Variants in TEKT1 observed in about 807,000 individuals in gnomAD.
TEKT1 encodes tektin-1.
In TEKT1, 32 loss-of-function variants were observed where a neutral mutation model predicts 34.8. The observed-to-expected ratio is 0.92, with a 90% confidence interval of 0.69 to 1.23. The LOEUF (loss-of-function observed/expected upper bound fraction) is 1.23. Among genes scored for constraint, TEKT1 ranks in the 50% most tolerant of loss-of-function variants. The pLI is 0.00. For missense variants in TEKT1, 492 were observed against 518.5 expected (o/e 0.95, Z 0.50); for synonymous variants, 207 against 199.8 (o/e 1.04, Z -0.30).
In TEKT1 at chr17:6,811,306, A is replaced by ATGTGTGTG. The variant is rs34180300; in HGVS notation, c.852+1517_852+1524dup. On this transcript the variant is annotated intron_variant, in intron 6 of 7. Coordinates refer to ENST00000338694, the MANE Select transcript of TEKT1 (RefSeq NM_053285.2). The surrounding 1 kb of genome is among the most constrained non-coding windows in gnomAD (Gnocchi z 4.4). ...ATTATATGTTAATCATATATGCAAA[A>ATGTGTGTG]TGTGTGTGTGTGTGTGTGTGTGTGT... Among the ~76,000 whole-genome samples, 246 of 149,792 alleles carry ATGTGTGTG rather than the reference A, an allele frequency of 1.6e-3. 1 individual carries two copies. Among genetic ancestry groups the ATGTGTGTG allele is most frequent in the African/African-American group, 4.4e-3 (181 of 40,814 alleles).
chr17:6,827,949 C>CTTTT (rs1392072130), intron 2 of TEKT1, among the ~76,000 whole-genome samples: 5 of 148,622 alleles, frequency 3.4e-5, no homozygotes, highest in South Asian at 2.1e-4. Flanking sequence ...GATTTCTCTT[C>CTTTT]TTTTTTTTGT....
At chr17:6,829,341 G>A (rs76018634) in intron 2 of TEKT1, among the ~76,000 whole-genome samples, 7,578 of 152,152 alleles carry the variant, frequency 0.05, 241 homozygotes, top group Non-Finnish European at 0.071. Context: ...CAGAGGATTT[G>A]TTCCAGAGTC....
chr17:6,800,821 G>A lies in TEKT1; in HGVS notation c.975C>T (p.Asn325=), dbSNP rs766002981. Residue 325 remains asparagine, a synonymous_variant, in exon 7 of 8, where the codon AAC becomes AAT. Transcript: ENST00000338694. Reference sequence around the variant, plus strand: ...GTGCGACATCACGACACAGCTCCACGTTCGGCCGGTGTGTCCTGGTCTCCA... The same window carrying A: ...GTGCGACATCACGACACAGCTCCACATTCGGCCGGTGTGTCCTGGTCTCCA... The part of the protein sequence containing the change: ...TRLETRTHRP[N]VELCRDVAQY... 3.4e-5 allele frequency: 55 copies of A among 1,614,028 alleles called. No individual in the cohort carries two copies. The highest frequency in any genetic ancestry group is 3.3e-4 in the Admixed American group (20 of 59,986).
intron 2 of TEKT1, among the ~76,000 whole-genome samples, chr17:6,819,784 T>G (rs1977060652): frequency 6.6e-6 from 1 of 152,120 alleles, no homozygotes; most frequent in Admixed American, 6.5e-5. Flanking sequence ...GCCTCCCAGG[T>G]TCATGCCATT....
intron 2 of TEKT1, among the ~76,000 whole-genome samples, chr17:6,822,997 C>T (rs1977114124): frequency 6.6e-6 from 1 of 152,348 alleles, no homozygotes; most frequent in Admixed American, 6.5e-5. Context: ...TTACTTTCTA[C>T]TTTCTCCACA....
Position 6,799,941 on chromosome 17 carries a change from G to A in TEKT1, c.*86C>T. The A allele has an allele frequency of 7.5e-7, 1 of 1,339,500 alleles. No individual in the cohort carries two copies. The allele number at this position is 1,339,500 out of a possible 1,614,324, so 83.0% of individuals were successfully genotyped here. A position where few individuals can be genotyped will look rare whatever the true frequency, so the allele number is the denominator to read the frequency against. ...AGAGGTTGCAGCAGGCTGGCTAGAG[G>A]CCCCGCCAGCCTGAAATGAGAGCTC... On this transcript the variant is annotated 3_prime_UTR_variant, in exon 8 of 8. Transcript: ENST00000338694.
chr17:6,830,421 A>C, intron 1 of TEKT1, 28 bp from the exon 2 acceptor site: 1 of 1,424,432 alleles, frequency 7.0e-7, no homozygotes, highest in Non-Finnish European at 9.4e-7. Flanking sequence ...CTTTTAGATT[A>C]AATGAAAGCA....
rs149168719 is a variant in TEKT1, at chr17:6,829,426, C to T, written c.190+761G>A. Among the ~76,000 whole-genome samples the T allele has an allele frequency of 1.4e-4, 22 of 152,186 alleles. No homozygotes were observed. The East Asian group carries it at 3.9e-3, about 27-fold the overall frequency. ...GTGTAGTGTTTTCATATAACCTATG[C>T]ACATCTTCCCATATACTTTCCTTTT... On this transcript the variant is annotated intron_variant, in intron 2 of 7. Coordinates refer to ENST00000338694, the MANE Select transcript of TEKT1 (RefSeq NM_053285.2).
In TEKT1 at chr17:6,830,270, C is replaced by A. The variant is rs771322076; in HGVS notation, c.107G>T (p.Arg36Leu). 6.2e-7 allele frequency: 1 copy of A among 1,613,390 alleles called. No homozygotes were observed. Among genetic ancestry groups the A allele is most frequent in the Non-Finnish European group, 8.5e-7 (1 of 1,179,902 alleles). Residue 36 changes from arginine (R) to leucine (L), a missense_variant, in exon 2 of 8, where the codon CGC becomes CTC. Physicochemically the swap from Arg to Leu is moderately radical, Grantham distance 102 (BLOSUM62 -2). Coordinates refer to ENST00000338694, the MANE Select transcript of TEKT1 (RefSeq NM_053285.2). The stretch of plus-strand genomic sequence containing the variant: ...AAGCCTCTGGCTTTCTGCGACCAGG[C>A]GTTCTGATCGGGACCTTTGAGCGTC... The part of the protein sequence containing the change: ...RADAQRSRSE[R>L]LVAESQRLVD...
intron 6 of TEKT1, among the ~76,000 whole-genome samples, chr17:6,808,723 A>G (rs993279779): frequency 6.6e-6 from 1 of 152,178 alleles, no homozygotes; most frequent in Non-Finnish European, 1.5e-5. Flanking sequence ...AAATATTCGA[A>G]TGCTATCTTC....
rs1597786124 is a variant in TEKT1 at position 6,806,854 on chromosome 17, C to G, written c.853-5911G>C. ...AGAGATCAGCTGTTAGTCTGATGGG[C>G]TTCCCTTTGTGGGTAACCCAACCTT... On this transcript the variant is annotated intron_variant, in intron 6 of 7. Transcript: ENST00000338694. Among the ~76,000 whole-genome samples the G allele has an allele frequency of 3.3e-5, 5 of 152,316 alleles. No individual in the cohort carries two copies. In the South Asian group the frequency reaches 1.0e-3, roughly 32 times the overall value.
At position 6,813,021 on chromosome 17, in the gene TEKT1, G is replaced by T. The variant is rs1318614075; in HGVS notation, c.662C>A (p.Ser221Tyr). The change falls in exon 6 of 8, where the codon TCC becomes TAC. Residue 221 changes from serine to tyrosine, a missense_variant. Physicochemically the swap from Ser to Tyr is moderately radical, Grantham distance 144. Transcript: ENST00000338694. The part of the protein sequence containing the change: ...SVSLEDWLDF[S>Y]STNVEKADKQ... ...GTCAGCCTTCTCCACATTGGTGCTG[G>T]AGAAGTCCAACCAGTCTTCCAGACT... 1 of 1,614,068 alleles carries T rather than the reference G, an allele frequency of 6.2e-7. No homozygotes were observed. Among genetic ancestry groups the T allele is most frequent in the African/African-American group, 1.3e-5 (1 of 75,068 alleles).
At chr17:6,800,614 T>C (rs1365704026) in intron 7 of TEKT1, 133 bp downstream of exon 7, 1 of 1,149,330 alleles carries the variant, frequency 8.7e-7, no homozygotes, top group African/African-American at 1.5e-5. Context: ...GAGACTTCCC[T>C]CTAGGGGGCA....
intron 2 of TEKT1, among the ~76,000 whole-genome samples, chr17:6,824,911 T>C (rs1174744077): frequency 1.3e-5 from 2 of 152,202 alleles, no homozygotes; most frequent in South Asian, 2.1e-4. Context: ...TTCTCTATTT[T>C]CCCAAAGAGT....
chr17:6,802,728 C>T (rs989652224), intron 6 of TEKT1, among the ~76,000 whole-genome samples: 57 of 150,214 alleles, frequency 3.8e-4, no homozygotes, highest in Admixed American at 2.7e-4. Context: ...TGAGAACATG[C>T]GGTGTTTGGT....
intron 6 of TEKT1, among the ~76,000 whole-genome samples, chr17:6,807,320 A>G (rs1201490398): frequency 6.6e-6 from 1 of 152,078 alleles, no homozygotes; most frequent in East Asian, 1.9e-4. Context: ...CAGCTCCATC[A>G]GGTCCTTTAA....
chr17:6,820,748 C>T (rs904533558), intron 2 of TEKT1, among the ~76,000 whole-genome samples: 1 of 152,090 alleles, frequency 6.6e-6, no homozygotes, highest in African/African-American at 2.4e-5. Context: ...TCCAGGAATC[C>T]CCTTCACTCT....
chr17:6,820,482 T>TA (rs983816766), intron 2 of TEKT1, among the ~76,000 whole-genome samples: 34 of 151,436 alleles, frequency 2.2e-4, no homozygotes, highest in African/African-American at 5.1e-4. Flanking sequence ...GACTCTGTTT[T>TA]AAAAAAAAAT....
rs561916829 is a variant in TEKT1, at chr17:6,800,799, C to T, written c.997G>A (p.Ala333Thr). The change falls in exon 7 of 8, where the codon GCA (alanine) becomes ACA (threonine). Residue 333 changes from alanine to threonine, a missense_variant. Physicochemically the swap from Ala to Thr is moderately conservative, Grantham distance 58 (BLOSUM62 0). Transcript: ENST00000338694. ...ACCTCCTTCATTAGCCTATATTGTG[C>T]GACATCACGACACAGCTCCACGTTC... ...RPNVELCRDV[A>T]QYRLMKEVQE... is the part of the protein sequence containing the mutation. 21 of 1,613,936 alleles carry T rather than the reference C, an allele frequency of 1.3e-5. No individual in the cohort carries two copies. The Admixed American group carries it at 1.8e-4, about 14-fold the overall frequency.
Sources: allele counts gnomAD v4.1 joint callset (sites outside exome capture counted in the v4.1 genomes callset), GRCh38; gene constraint gnomAD v4.1.1; non-coding constraint Gnocchi (gnomAD v3.1); transcripts MANE v1.5; gene names NCBI Gene and HGNC (gene_info 2026-07-23, HGNC 2026-07-21).